The following ENTREP3 variants were observed in gnomAD, a reference collection of about 807,000 sequenced individuals.
The protein encoded by ENTREP3 is endosomal transmembrane epsin interactor 3.
At chr1:155,253,972 T>C in the ENTREP3 span, 1 of 1,612,820 alleles carries the variant, frequency 6.2e-7, no homozygotes, top group Non-Finnish European at 8.5e-7. Context: ...ACACAGACCT[T>C]TCCTTCCTGA....
the ENTREP3 span, chr1:155,254,889 G>T: frequency 1.3e-6 from 2 of 1,547,474 alleles, no homozygotes; most frequent in East Asian, 4.8e-5. This position sits in a 1 kb window ranked among gnomAD's most constrained non-coding sequence, Gnocchi z 4.4. Flanking sequence ...CCTGCTGCCC[G>T]GTTGCCTGCG....
the ENTREP3 span, chr1:155,250,348 G>A: frequency 6.8e-7 from 1 of 1,473,150 alleles, no homozygotes; most frequent in Non-Finnish European, 9.1e-7. The surrounding 1 kb of genome is among the most constrained non-coding windows in gnomAD (Gnocchi z 5.4). Flanking sequence ...GGGGATGCCG[G>A]ATGAGGAGGC....
At chr1:155,252,112 A>G in the ENTREP3 span, 4 of 451,440 alleles carry the variant, frequency 8.9e-6, no homozygotes, top group South Asian at 1.1e-4. Flanking sequence ...CCCACCCACA[A>G]ATTCCTCTTT....
At chr1:155,248,778 G>A in the ENTREP3 span, among the ~76,000 whole-genome samples, 1 of 151,706 alleles carries the variant, frequency 6.6e-6, no homozygotes, top group African/African-American at 2.4e-5. Flanking sequence ...GCAGTGGTAC[G>A]ATCTCAGCTC....
At chr1:155,254,671 C>T in the ENTREP3 span, 14 of 1,608,996 alleles carry the variant, frequency 8.7e-6, no homozygotes, top group Middle Eastern at 1.6e-4. This position sits in a 1 kb window ranked among gnomAD's most constrained non-coding sequence, Gnocchi z 4.4. Flanking sequence ...CAGCCCAAGA[C>T]GGGCAGGACC....
chr1:155,250,986 T>C, the ENTREP3 span: 1 of 1,281,688 alleles, frequency 7.8e-7, no homozygotes, highest in East Asian at 2.4e-5. This position sits in a 1 kb window ranked among gnomAD's most constrained non-coding sequence, Gnocchi z 5.4. Flanking sequence ...AGCCCTCCTA[T>C]GTCCCCAAAC....
At chr1:155,254,412 T>G in the ENTREP3 span, 1 of 1,614,148 alleles carries the variant, frequency 6.2e-7, no homozygotes, top group Non-Finnish European at 8.5e-7. The surrounding 1 kb of genome is among the most constrained non-coding windows in gnomAD (Gnocchi z 4.4). Context: ...CTAGAGTGAA[T>G]GGCCGCTTCC....
chr1:155,248,058 G>T, the ENTREP3 span: 2 of 1,614,136 alleles, frequency 1.2e-6, no homozygotes, highest in Non-Finnish European at 1.7e-6. Flanking sequence ...ACCTGCTTAT[G>T]TCCATGAGCT....
At chr1:155,254,085 A>G in the ENTREP3 span, 3 of 1,613,944 alleles carry the variant, frequency 1.9e-6, no homozygotes, top group Non-Finnish European at 2.5e-6. The surrounding 1 kb of genome is among the most constrained non-coding windows in gnomAD (Gnocchi z 4.4). Context: ...AAATCTCACC[A>G]GAGAGCACTG....
the ENTREP3 span, among the ~76,000 whole-genome samples, chr1:155,252,545 T>G: frequency 6.8e-6 from 1 of 147,098 alleles, no homozygotes; most frequent in African/African-American, 2.5e-5. Flanking sequence ...AATTTTTGTA[T>G]TTTTAGTAGA....
At chr1:155,248,281 G>T in the ENTREP3 span, 2 of 1,600,946 alleles carry the variant, frequency 1.2e-6, no homozygotes, top group African/African-American at 2.7e-5. Flanking sequence ...CTAGGCGGAA[G>T]AGGCAGGCTT....
chr1:155,253,968 A>G, the ENTREP3 span: 2 of 1,612,778 alleles, frequency 1.2e-6, no homozygotes, highest in Non-Finnish European at 1.7e-6. Context: ...GCACACACAG[A>G]CCTTTCCTTC....
the ENTREP3 span, chr1:155,247,806 C>T: frequency 3.3e-5 from 48 of 1,466,958 alleles, no homozygotes; most frequent in Non-Finnish European, 4.2e-5. Flanking sequence ...CCCGGCTGCC[C>T]CCGTTGAGGC....
the ENTREP3 span, chr1:155,250,335 G>A: frequency 6.5e-7 from 1 of 1,547,674 alleles, no homozygotes; most frequent in South Asian, 1.2e-5. This position sits in a 1 kb window ranked among gnomAD's most constrained non-coding sequence, Gnocchi z 5.4. Context: ...CAGCAGCGGT[G>A]GTGGGGATGC....
At chr1:155,250,930 C>CT in the ENTREP3 span, 1 of 1,303,514 alleles carries the variant, frequency 7.7e-7, no homozygotes, top group East Asian at 2.5e-5. This position sits in a 1 kb window ranked among gnomAD's most constrained non-coding sequence, Gnocchi z 5.4. Flanking sequence ...GTGCCTCCAG[C>CT]TTTATCTCAG....
chr1:155,249,920 T>C, the ENTREP3 span, among the ~76,000 whole-genome samples: 11 of 145,702 alleles, frequency 7.5e-5, no homozygotes, highest in East Asian at 2.2e-3. Context: ...TAGCCGGTCA[T>C]GGTGGCGCAC....
chr1:155,254,233 C>CA, the ENTREP3 span: 2 of 1,537,764 alleles, frequency 1.3e-6, no homozygotes. The surrounding 1 kb of genome is among the most constrained non-coding windows in gnomAD (Gnocchi z 4.4). Flanking sequence ...CTGGGACCCT[C>CA]ATGAGTACTC....
At chr1:155,254,223 C>G in the ENTREP3 span, 1 of 1,566,964 alleles carries the variant, frequency 6.4e-7, no homozygotes, top group East Asian at 2.2e-5. The surrounding 1 kb of genome is among the most constrained non-coding windows in gnomAD (Gnocchi z 4.4). Flanking sequence ...AGACTCAGGG[C>G]TGGGACCCTC....
At chr1:155,248,039 C>G in the ENTREP3 span, 3 of 1,614,168 alleles carry the variant, frequency 1.9e-6, no homozygotes, top group East Asian at 6.7e-5. Flanking sequence ...CCTGGCTCCC[C>G]GAATTCCTAC....
Sources: gnomAD v4.1 joint callset for allele counts (sites outside exome capture counted in the v4.1 genomes callset) on GRCh38, gnomAD v4.1.1 for gene constraint, Gnocchi (gnomAD v3.1) non-coding constraint, MANE v1.5 for transcripts, NCBI Gene and HGNC (gene_info 2026-07-23, HGNC 2026-07-21) for gene names.